Variants in LENG9 observed in about 807,000 individuals in gnomAD.
The protein encoded by LENG9 is leukocyte receptor cluster member 9.
For synonymous variants in LENG9, 410 were observed against 303.9 expected (o/e 1.35, Z -3.63); for missense variants, 872 against 652.7 (o/e 1.34, Z -3.66).
rs1456167361 is a variant in LENG9, at chr19:54,463,399, G to A, written c.128C>T (p.Pro43Leu). 7.1e-6 allele frequency: 9 copies of A among 1,261,658 alleles called. 1 individual carries two copies. Among genetic ancestry groups the A allele is most frequent in the Non-Finnish European group, 8.0e-6 (8 of 1,005,536 alleles). 78.2% of individuals were successfully genotyped at this position (1,261,658 alleles called of 1,614,324 possible). Reference sequence around the variant, plus strand: ...GCGGCCAGGCGGCGCCGGCGCCCCAGGGTGGGGCTGGCGGCAGCGGGCGCC... The same window carrying A: ...GCGGCCAGGCGGCGCCGGCGCCCCAAGGTGGGGCTGGCGGCAGCGGGCGCC... ...RFGARCRQPH[P>L]GAPAPPGREA... Residue 43 changes from proline to leucine, a missense_variant, in exon 1 of 1, where the codon CCT becomes CTT. Coordinates refer to ENST00000611161, the MANE Select transcript of LENG9 (RefSeq NM_001301782.2).
Position 54,462,835 on chromosome 19 carries a change from C to T in LENG9, c.692G>A (p.Arg231Lys). The T allele has an allele frequency of 1.2e-6, 2 of 1,612,600 alleles. No homozygotes were observed. Among genetic ancestry groups the T allele is most frequent in the Non-Finnish European group, 1.7e-6 (2 of 1,179,898 alleles). Residue 231 changes from arginine (R) to lysine (K), a missense_variant, in exon 1 of 1, where the codon AGA becomes AAA. Physicochemically the swap from Arg to Lys is conservative, Grantham distance 26. Coordinates refer to ENST00000611161, the MANE Select transcript of LENG9 (RefSeq NM_001301782.2). ...TAADLGTLAPRGRLAGVTEAL... is the reference protein window; with the variant it reads ...TAADLGTLAPKGRLAGVTEAL... ...CTCAGTCACTCCGGCGAGGCGTCCT[C>T]TTGGGGCCAGTGTTCCCAAATCAGC... is the stretch of plus-strand genomic sequence containing the variant.
rs2084665771 is a variant in LENG9 at position 54,463,422 on chromosome 19, G to C, written c.105C>G (p.Gly35=). The part of the protein sequence containing the change: ...RFFLEGRCRF[G]ARCRQPHPGA... Reference sequence around the variant, plus strand: ...CAGGGTGGGGCTGGCGGCAGCGGGCGCCGAAGCGGCAGCGGCCTTCCAGGA... The same window carrying C: ...CAGGGTGGGGCTGGCGGCAGCGGGCCCCGAAGCGGCAGCGGCCTTCCAGGA... Residue 35 remains glycine, a synonymous_variant, in exon 1 of 1, where the codon GGC becomes GGG. Transcript: ENST00000611161. 1.6e-5 allele frequency: 20 copies of C among 1,241,900 alleles called. No homozygotes were observed. The highest frequency in any genetic ancestry group is 2.0e-5 in the Non-Finnish European group (20 of 993,616). The allele number at this position is 1,241,900 out of a possible 1,614,324, so 76.9% of individuals were successfully genotyped here. A position where few individuals can be genotyped will look rare whatever the true frequency, so the allele number is the denominator to read the frequency against.
chr19:54,462,381 G>A lies in LENG9; in HGVS notation c.1146C>T (p.Leu382=). ...GGGCACACAGCACATGCGGGCCCAGGAGGACCAGCTTTCTAAAGCTCAGCC... is the reference window on the plus strand; with the variant it reads ...GGGCACACAGCACATGCGGGCCCAGAAGGACCAGCTTTCTAAAGCTCAGCC... The part of the protein sequence containing the change: ...PPRLSFRKLV[L]LGPHVLCAPP... Residue 382 remains leucine (L), a synonymous_variant, in exon 1 of 1, where the codon CTC becomes CTT. Coordinates refer to ENST00000611161, the MANE Select transcript of LENG9 (RefSeq NM_001301782.2). The A allele has an allele frequency of 6.2e-7, 1 of 1,612,770 alleles. No individual in the cohort carries two copies. The highest frequency in any genetic ancestry group is 8.5e-7 in the Non-Finnish European group (1 of 1,179,262).
Position 54,462,141 on chromosome 19 carries a change from T to C in LENG9, c.1386A>G (p.Ile462Met). Reference protein sequence around the residue: ...QPLQTLWLCRIGRTGGPFQPL... With the variant: ...QPLQTLWLCRMGRTGGPFQPL... ...GCTGGAAAGGCCCCCCTGTCCTCCC[T>C]ATACGGCACAGCCAGAGTGTCTGCA... is the stretch of plus-strand genomic sequence containing the variant. Residue 462 changes from isoleucine to methionine, a missense_variant, in exon 1 of 1, where the codon ATA becomes ATG. Physicochemically the swap from Ile to Met is conservative, Grantham distance 10. Coordinates refer to ENST00000611161, the MANE Select transcript of LENG9 (RefSeq NM_001301782.2). The C allele has an allele frequency of 6.2e-7, 1 of 1,602,504 alleles. No homozygotes were observed. The highest frequency in any genetic ancestry group is 8.5e-7 in the Non-Finnish European group (1 of 1,173,420).
chr19:54,462,368 C>T lies in LENG9; in HGVS notation c.1159G>A (p.Val387Met), dbSNP rs766970604. 9.9e-6 allele frequency: 16 copies of T among 1,612,102 alleles called. No individual in the cohort carries two copies. The highest frequency in any genetic ancestry group is 2.2e-5 in the South Asian group (2 of 90,946). ...FRKLVLLGPH[V>M]LCAPPSPTLE... Reference sequence around the variant, plus strand: ...GTGGGAGAGGGTGGGGCACACAGCACATGCGGGCCCAGGAGGACCAGCTTT... The same window carrying T: ...GTGGGAGAGGGTGGGGCACACAGCATATGCGGGCCCAGGAGGACCAGCTTT... The change falls in exon 1 of 1, where the codon GTG becomes ATG. Residue 387 changes from valine (V) to methionine (M), a missense_variant. By Grantham distance (21) the Val-to-Met change is conservative (BLOSUM62 1). Coordinates refer to ENST00000611161, the MANE Select transcript of LENG9 (RefSeq NM_001301782.2).
In LENG9 at chr19:54,463,764, G is replaced by T; in HGVS notation, c.-238C>A. 4.3e-6 allele frequency: 2 copies of T among 463,956 alleles called. No individual in the cohort carries two copies. The highest frequency in any genetic ancestry group is 6.9e-6 in the Non-Finnish European group (2 of 289,238). 28.7% of individuals were successfully genotyped at this position (463,956 alleles called of 1,614,324 possible). ...TGCGCCCTCCCCCAGCGCCAGGAAAGCAAGCTGCGTAAAGGCTGCGGCAGT... is the reference window on the plus strand; with the variant it reads ...TGCGCCCTCCCCCAGCGCCAGGAAATCAAGCTGCGTAAAGGCTGCGGCAGT... On this transcript the variant is annotated 5_prime_UTR_variant, in exon 1 of 1. Transcript: ENST00000611161.
rs2084611262 is a variant in LENG9, at chr19:54,462,343, G to A, written c.1184C>T (p.Thr395Ile). Residue 395 changes from threonine to isoleucine, a missense_variant, in exon 1 of 1, where the codon ACA (threonine) becomes ATA (isoleucine). Transcript: ENST00000611161. ...CAGCACTTGTGCCATGCTTTCCAGT[G>A]TGGGAGAGGGTGGGGCACACAGCAC... is the stretch of plus-strand genomic sequence containing the variant. ...PHVLCAPPSPTLESMAQVLSQ... is the reference protein window; with the variant it reads ...PHVLCAPPSPILESMAQVLSQ... 5 of 1,609,446 alleles carry A rather than the reference G, an allele frequency of 3.1e-6. No individual in the cohort carries two copies. Among genetic ancestry groups the A allele is most frequent in the East Asian group, 4.5e-5 (2 of 44,812 alleles).
chr19:54,463,620 G>C lies in LENG9; in HGVS notation c.-94C>G. 7.9e-7 allele frequency: 1 copy of C among 1,265,300 alleles called. No individual in the cohort carries two copies. Among genetic ancestry groups the C allele is most frequent in the Non-Finnish European group, 1.0e-6 (1 of 999,836 alleles). 78.4% of individuals were successfully genotyped at this position (1,265,300 alleles called of 1,614,324 possible). On this transcript the variant is annotated 5_prime_UTR_variant, in exon 1 of 1. Coordinates refer to ENST00000611161, the MANE Select transcript of LENG9 (RefSeq NM_001301782.2). ...ATGCACCGAGCCTCACCCGACAGTG[G>C]CGTCAGCGGCCCGCGCTCCGGCCTA...
rs1340680210 is a variant in LENG9 at position 54,461,781 on chromosome 19, C to T, written c.*309G>A. 4 of 614,198 alleles carry T rather than the reference C, an allele frequency of 6.5e-6. No homozygotes were observed. The highest frequency in any genetic ancestry group is 1.8e-5 in the African/African-American group (1 of 54,886). 38.0% of individuals were successfully genotyped at this position (614,198 alleles called of 1,614,324 possible). On this transcript the variant is annotated 3_prime_UTR_variant, in exon 1 of 1. Coordinates refer to ENST00000611161, the MANE Select transcript of LENG9 (RefSeq NM_001301782.2). The stretch of plus-strand genomic sequence containing the variant: ...GTGTTTATTTAAGTTATTTTTCTTC[C>T]TCCTCTCCCTTTTCTTTTTGGCCCT...
In LENG9 at chr19:54,463,566, C is replaced by A. The variant is rs748403066; in HGVS notation, c.-40G>T. ...GGCACGCCCGCCGCGCAGACGAGGT[C>A]GCCCCGCACGGAGGGCGGCTCCCCT... On this transcript the variant is annotated 5_prime_UTR_variant, in exon 1 of 1. Transcript: ENST00000611161. The A allele has an allele frequency of 1.5e-6, 2 of 1,372,282 alleles. No individual in the cohort carries two copies. Among genetic ancestry groups the A allele is most frequent in the Admixed American group, 3.0e-5 (1 of 33,854 alleles). The allele number at this position is 1,372,282 out of a possible 1,614,324, so 85.0% of individuals were successfully genotyped here.
Position 54,461,872 on chromosome 19 carries a change from C to T in LENG9, c.*218G>A, listed in dbSNP as rs996314065. 7.6e-6 allele frequency: 5 copies of T among 658,694 alleles called. 1 individual carries two copies. The highest frequency in any genetic ancestry group is 5.9e-5 in the South Asian group (4 of 67,808). The allele number at this position is 658,694 out of a possible 1,614,324, so 40.8% of individuals were successfully genotyped here. A position where few individuals can be genotyped will look rare whatever the true frequency, so the allele number is the denominator to read the frequency against. ...ATGAGTTTGCAAACAGCTGGACTGT[C>T]AGGCTGCTTTTTTTCCAGATGTTCC... On this transcript the variant is annotated 3_prime_UTR_variant, in exon 1 of 1. Transcript: ENST00000611161.
Position 54,461,947 on chromosome 19 carries a change from C to T in LENG9, c.*143G>A, listed in dbSNP as rs2084592083. ...CTCCCCTCCTTTTCCTTCCTTCCTT[C>T]CTTTCCTTGGAGCACTGAGCACCAT... On this transcript the variant is annotated 3_prime_UTR_variant, in exon 1 of 1. Coordinates refer to ENST00000611161, the MANE Select transcript of LENG9 (RefSeq NM_001301782.2). 9.9e-7 allele frequency: 1 copy of T among 1,008,556 alleles called. No homozygotes were observed. Among genetic ancestry groups the T allele is most frequent in the Non-Finnish European group, 1.6e-6 (1 of 635,070 alleles). The allele number at this position is 1,008,556 out of a possible 1,614,324, so 62.5% of individuals were successfully genotyped here.
rs528866186 is a variant in LENG9 at position 54,462,259 on chromosome 19, G to A, written c.1268C>T (p.Pro423Leu). The change falls in exon 1 of 1, where the codon CCC (proline) becomes CTC (leucine). Residue 423 changes from proline to leucine, a missense_variant. Transcript: ENST00000611161. ...GGGCACCTTGGCCACGGTGAGGTGG[G>A]GGTGCAGCTGCCCTGGAGACTGTAG... ...STLQSPGQLH[P>L]HLTVAKVPHG... The A allele has an allele frequency of 1.4e-5, 22 of 1,610,682 alleles. No individual in the cohort carries two copies. The East Asian group carries it at 4.7e-4, about 34-fold the overall frequency.
chr19:54,462,898 T>G lies in LENG9; in HGVS notation c.629A>C (p.Glu210Ala). 6.2e-7 allele frequency: 1 copy of G among 1,612,594 alleles called. No individual in the cohort carries two copies. Among genetic ancestry groups the G allele is most frequent in the Admixed American group, 1.7e-5 (1 of 60,014 alleles). Residue 210 changes from glutamate (E) to alanine (A), a missense_variant, in exon 1 of 1, where the codon GAG becomes GCG. Glu to Ala is a moderately radical substitution (Grantham distance 107). Transcript: ENST00000611161. The part of the protein sequence containing the change: ...HQEPGVEEPG[E>A]LEAAQERALG... Reference sequence around the variant, plus strand: ...CGCCCTCTCCTGGGCCGCCTCCAGCTCTCCGGGTTCCTCCACGCCTGGTTC... The same window carrying G: ...CGCCCTCTCCTGGGCCGCCTCCAGCGCTCCGGGTTCCTCCACGCCTGGTTC...
rs1345699123 is a variant in LENG9, at chr19:54,462,708, C to G, written c.819G>C (p.Glu273Asp). The change falls in exon 1 of 1, where the codon GAG becomes GAC. Residue 273 changes from glutamate (E) to aspartate (D), a missense_variant. Coordinates refer to ENST00000611161, the MANE Select transcript of LENG9 (RefSeq NM_001301782.2). ...CCTCGGGCCAGGCCGCAGGACCCCACTCGGCTTCTGTCGTCTCAGCGGAGC... is the reference window on the plus strand; with the variant it reads ...CCTCGGGCCAGGCCGCAGGACCCCAGTCGGCTTCTGTCGTCTCAGCGGAGC... ...PGGSAETTEA[E>D]WGPAAWPEDK... 6.2e-7 allele frequency: 1 copy of G among 1,610,974 alleles called. No individual in the cohort carries two copies. The highest frequency in any genetic ancestry group is 1.1e-5 in the South Asian group (1 of 91,086).
rs2084665323 is a variant in LENG9, at chr19:54,463,408, T to C, written c.119A>G (p.Gln40Arg). The change falls in exon 1 of 1, where the codon CAG becomes CGG. Residue 40 changes from glutamine (Q) to arginine (R), a missense_variant. Physicochemically the swap from Gln to Arg is conservative, Grantham distance 43. Transcript: ENST00000611161. ...CGGCGCCGGCGCCCCAGGGTGGGGC[T>C]GGCGGCAGCGGGCGCCGAAGCGGCA... Reference protein sequence around the residue: ...GRCRFGARCRQPHPGAPAPPG... With the variant: ...GRCRFGARCRRPHPGAPAPPG... 2 of 1,244,378 alleles carry C rather than the reference T, an allele frequency of 1.6e-6. No homozygotes were observed. The highest frequency in any genetic ancestry group is 3.3e-5 in the South Asian group (1 of 30,624). The allele number at this position is 1,244,378 out of a possible 1,614,324, so 77.1% of individuals were successfully genotyped here.
In LENG9 at chr19:54,463,586, T is replaced by C. The variant is rs1044403568; in HGVS notation, c.-60A>G. 1 of 1,333,884 alleles carries C rather than the reference T, an allele frequency of 7.5e-7. No homozygotes were observed. The highest frequency in any genetic ancestry group is 9.7e-7 in the Non-Finnish European group (1 of 1,034,740). The allele number at this position is 1,333,884 out of a possible 1,614,324, so 82.6% of individuals were successfully genotyped here. ...GAGGTCGCCCCGCACGGAGGGCGGC[T>C]CCCCTTGGATGCACCGAGCCTCACC... On this transcript the variant is annotated 5_prime_UTR_variant, in exon 1 of 1. Coordinates refer to ENST00000611161, the MANE Select transcript of LENG9 (RefSeq NM_001301782.2).
Position 54,463,014 on chromosome 19 carries a change from C to A in LENG9, c.513G>T (p.Glu171Asp), listed in dbSNP as rs2123264621. ...APNTEGAHGAEGAEWTLAGTG... is the reference protein window; with the variant it reads ...APNTEGAHGADGAEWTLAGTG... Reference sequence around the variant, plus strand: ...TCCCCGCCAGTGTCCACTCGGCACCCTCTGCCCCGTGGGCGCCCTCGGTGT... The same window carrying A: ...TCCCCGCCAGTGTCCACTCGGCACCATCTGCCCCGTGGGCGCCCTCGGTGT... Residue 171 changes from glutamate to aspartate, a missense_variant, in exon 1 of 1, where the codon GAG (glutamate) becomes GAT (aspartate). Transcript: ENST00000611161. 1.9e-6 allele frequency: 3 copies of A among 1,604,846 alleles called. No homozygotes were observed. Among genetic ancestry groups the A allele is most frequent in the Middle Eastern group, 3.3e-4 (2 of 6,054 alleles).
chr19:54,461,858 A>G lies in LENG9; in HGVS notation c.*232T>C, dbSNP rs2123246221. The stretch of plus-strand genomic sequence containing the variant: ...CTGGAGGATGTGCTATGAGTTTGCA[A>G]ACAGCTGGACTGTCAGGCTGCTTTT... On this transcript the variant is annotated 3_prime_UTR_variant, in exon 1 of 1. Transcript: ENST00000611161. 1.4e-6 allele frequency: 1 copy of G among 705,890 alleles called. No homozygotes were observed. The highest frequency in any genetic ancestry group is 2.6e-6 in the Non-Finnish European group (1 of 378,462). The allele number at this position is 705,890 out of a possible 1,614,324, so 43.7% of individuals were successfully genotyped here.
Sources: allele counts gnomAD v4.1 joint callset, GRCh38; gene constraint gnomAD v4.1.1; transcripts MANE v1.5; gene names NCBI Gene and HGNC (gene_info 2026-07-23, HGNC 2026-07-21).